Variants in SLC16A10 observed in about 807,000 individuals in gnomAD.
SLC16A10 encodes monocarboxylate transporter 10.
Under a neutral mutation model 40.0 loss-of-function variants are expected in SLC16A10, and 27 were observed. That is an observed-to-expected ratio of 0.67 (90% confidence interval 0.50 to 0.93). SLC16A10 has a LOEUF of 0.93. Among genes scored for constraint, SLC16A10 ranks in the 40% least tolerant of loss-of-function variants. The pLI is 0.00. For synonymous variants in SLC16A10, 213 were observed against 249.8 expected (o/e 0.85, Z 1.39); for missense variants, 529 against 658.2 (o/e 0.80, Z 2.15).
chr6:111,117,403 G>A (rs888523128), intron 1 of SLC16A10, among the ~76,000 whole-genome samples: 5 of 147,314 alleles, frequency 3.4e-5, no homozygotes, highest in Admixed American at 1.4e-4. Context: ...CAATGTGCAC[G>A]TTTATTCTTT....
At position 111,227,302 on chromosome 6, in the gene SLC16A10, T is replaced by C. The variant is rs1346947240; in HGVS notation, c.*5067T>C. 1 of 152,200 alleles carries C rather than the reference T, an allele frequency of 6.6e-6. No homozygotes were observed. The highest frequency in any genetic ancestry group is 6.5e-5 in the Admixed American group (1 of 15,282). The allele number at this position is 152,200 out of a possible 1,614,324, so 9.4% of individuals were successfully genotyped here. A position where few individuals can be genotyped will look rare whatever the true frequency, so the allele number is the denominator to read the frequency against. On this transcript the variant is annotated 3_prime_UTR_variant, in exon 6 of 6. Transcript: ENST00000368851. ...TTCATAGCCACGACCTGTTTATTAT[T>C]AGTTGGCAGAGATTAATGCTTTGTG...
chr6:111,127,345 G>GA (rs1276771996), intron 1 of SLC16A10, among the ~76,000 whole-genome samples: 9 of 152,174 alleles, frequency 5.9e-5, no homozygotes, highest in Non-Finnish European at 1.0e-4. Context: ...ATACCTGGGG[G>GA]AATCACTTCC....
At chr6:111,090,294 T>C (rs1770951543) in intron 1 of SLC16A10, among the ~76,000 whole-genome samples, 1 of 152,198 alleles carries the variant, frequency 6.6e-6, no homozygotes, top group Admixed American at 6.5e-5. Flanking sequence ...CTGACTGCTG[T>C]ATATCTATTT....
At chr6:111,139,869 T>C (rs1374505585) in intron 1 of SLC16A10, among the ~76,000 whole-genome samples, 3 of 152,234 alleles carry the variant, frequency 2.0e-5, no homozygotes, top group Non-Finnish European at 2.9e-5. Flanking sequence ...TGAACTAACT[T>C]ACACTCATAC....
chr6:111,113,598 C>T (rs1771430391), intron 1 of SLC16A10, among the ~76,000 whole-genome samples: 1 of 152,124 alleles, frequency 6.6e-6, no homozygotes, highest in South Asian at 2.1e-4. Context: ...GTTACTTTGG[C>T]TTTTCATTGT....
intron 1 of SLC16A10, among the ~76,000 whole-genome samples, chr6:111,097,022 A>G (rs1421613454): frequency 1.3e-5 from 2 of 151,932 alleles, no homozygotes; most frequent in African/African-American, 4.8e-5. Context: ...GGGTCTCTCT[A>G]TATTGCCCAA....
intron 1 of SLC16A10, among the ~76,000 whole-genome samples, chr6:111,108,954 C>T (rs1430572271): frequency 6.6e-6 from 1 of 152,084 alleles, no homozygotes; most frequent in African/African-American, 2.4e-5. Flanking sequence ...GGGATTGATT[C>T]ACTGCAGAAC....
intron 3 of SLC16A10, among the ~76,000 whole-genome samples, chr6:111,181,275 G>T (rs1396397013): frequency 2.0e-5 from 3 of 150,342 alleles, no homozygotes; most frequent in African/African-American, 7.3e-5. Context: ...TTCAGGTTTT[G>T]TTTCTTACTA....
At chr6:111,186,568 C>A (rs1772901437) in intron 3 of SLC16A10, among the ~76,000 whole-genome samples, 1 of 152,154 alleles carries the variant, frequency 6.6e-6, no homozygotes, top group Admixed American at 6.5e-5. Context: ...GAGTACATTT[C>A]TTACCTTCAA....
chr6:111,118,560 A>G (rs1771528961), intron 1 of SLC16A10, among the ~76,000 whole-genome samples: 1 of 151,792 alleles, frequency 6.6e-6, no homozygotes, highest in Non-Finnish European at 1.5e-5. Flanking sequence ...GCATGCCTGT[A>G]GTCCCAGCTA....
intron 1 of SLC16A10, among the ~76,000 whole-genome samples, chr6:111,130,034 A>G (rs185919088): frequency 2.6e-4 from 40 of 152,304 alleles, no homozygotes; most frequent in Middle Eastern, 6.8e-3. Context: ...TCAAGCTATC[A>G]TTTCTTTAAG....
intron 1 of SLC16A10, among the ~76,000 whole-genome samples, chr6:111,088,522 G>A (rs1770912847): frequency 6.6e-6 from 1 of 152,148 alleles, no homozygotes; most frequent in Admixed American, 6.5e-5. Context: ...GCCTCCCTGG[G>A]CCGCAGAGGG....
rs78821747 is a variant in SLC16A10 at position 111,199,897 on chromosome 6, G to C, written c.943-6695G>C. On this transcript the variant is annotated intron_variant, in intron 3 of 5. Transcript: ENST00000368851. ...AGAGTTAGAAATGTTTTCAAAATTA[G>C]GTTCTTTAAACCATTAGCCATCTCT... Among the ~76,000 whole-genome samples, 6 of 151,694 alleles carry C rather than the reference G, an allele frequency of 4.0e-5. No homozygotes were observed. In the East Asian group the frequency reaches 1.2e-3, roughly 29 times the overall value.
Position 111,220,347 on chromosome 6 carries a change from A to G in SLC16A10, c.1315+1305A>G, listed in dbSNP as rs944691969. ...AAATGGTTAATTCTATTTCATGTGAATTCCACCTCTAGAAATTCTCTGAAT... is the reference window on the plus strand; with the variant it reads ...AAATGGTTAATTCTATTTCATGTGAGTTCCACCTCTAGAAATTCTCTGAAT... On this transcript the variant is annotated intron_variant, in intron 5 of 5. Transcript: ENST00000368851. Among the ~76,000 whole-genome samples, 4 of 152,348 alleles carry G rather than the reference A, an allele frequency of 2.6e-5. No individual in the cohort carries two copies. In the East Asian group the frequency reaches 7.7e-4, roughly 29 times the overall value.
intron 3 of SLC16A10, among the ~76,000 whole-genome samples, chr6:111,182,699 G>C (rs1772821066): frequency 6.6e-6 from 1 of 152,076 alleles, no homozygotes; most frequent in South Asian, 2.1e-4. Context: ...TAACCCTGAG[G>C]TCTTGATCTT....
At chr6:111,099,799 A>G (rs1423592613) in intron 1 of SLC16A10, among the ~76,000 whole-genome samples, 1 of 151,978 alleles carries the variant, frequency 6.6e-6, no homozygotes, top group Non-Finnish European at 1.5e-5. Flanking sequence ...GAGGCAGATG[A>G]ATTGCTTGAG....
chr6:111,200,293 T>C (rs771180840), intron 3 of SLC16A10, among the ~76,000 whole-genome samples: 2 of 152,178 alleles, frequency 1.3e-5, no homozygotes, highest in African/African-American at 2.4e-5. Flanking sequence ...AGAGATACTT[T>C]AGTCTAAAGG....
intron 1 of SLC16A10, among the ~76,000 whole-genome samples, chr6:111,104,167 A>C (rs950658625): frequency 1.3e-5 from 2 of 152,198 alleles, no homozygotes; most frequent in Non-Finnish European, 1.5e-5. Flanking sequence ...ATGCCAAGGT[A>C]AGCTTGGACA....
At chr6:111,173,977 A>C (rs191970777) in intron 2 of SLC16A10, among the ~76,000 whole-genome samples, 61 of 152,278 alleles carry the variant, frequency 4.0e-4, no homozygotes, top group Non-Finnish European at 6.6e-4. Flanking sequence ...ATTAGAAGAA[A>C]AGACACAGTG....
Sources: gnomAD v4.1 joint callset for allele counts (sites outside exome capture counted in the v4.1 genomes callset) on GRCh38, gnomAD v4.1.1 for gene constraint, MANE v1.5 for transcripts, NCBI Gene and HGNC (gene_info 2026-07-23, HGNC 2026-07-21) for gene names.